TSPEAR: variants seen among roughly 807,000 people sequenced by gnomAD.
TSPEAR encodes thrombospondin type laminin G domain and EAR repeats.
A neutral mutation model predicts 71.6 loss-of-function variants in TSPEAR; 69 were observed. The ratio of observed to expected loss-of-function variants is 0.96; its 90% CI spans 0.79 to 1.18. The LOEUF (loss-of-function observed/expected upper bound fraction) is 1.18. Ranked by LOEUF, TSPEAR falls within the 50% of genes most tolerant of loss-of-function variation. TSPEAR has a pLI of 0.00. For missense variants in TSPEAR, 971 were observed against 894.9 expected (o/e 1.09, Z -1.09); for synonymous variants, 402 against 387.2 (o/e 1.04, Z -0.45).
chr21:44,542,821 G>A (rs2053244610), intron 2 of TSPEAR, among the ~76,000 whole-genome samples: 1 of 149,708 alleles, frequency 6.7e-6, no homozygotes, highest in East Asian at 1.9e-4. Context: ...TCTTTAGCAA[G>A]TGAACACAAA....
At chr21:44,528,843 C>G (rs2052909348) in intron 5 of TSPEAR, among the ~76,000 whole-genome samples, 1 of 152,222 alleles carries the variant, frequency 6.6e-6, no homozygotes, top group Non-Finnish European at 1.5e-5. Context: ...GCGTGGCTTT[C>G]CATCCCATTG....
chr21:44,609,071 G>A (rs1249549786), intron 1 of TSPEAR, among the ~76,000 whole-genome samples: 2 of 152,200 alleles, frequency 1.3e-5, no homozygotes, highest in African/African-American at 4.8e-5. Flanking sequence ...GCAACATGGT[G>A]CTTCTCACAG....
intron 1 of TSPEAR, among the ~76,000 whole-genome samples, chr21:44,692,867 G>A (rs543631056): frequency 5.9e-5 from 9 of 151,856 alleles, no homozygotes; most frequent in African/African-American, 1.9e-4. Context: ...TGATCTTCAA[G>A]CACATATGGA....
intron 1 of TSPEAR, chr21:44,676,486 G>T: frequency 1.1e-6 from 1 of 872,286 alleles, no homozygotes; most frequent in Non-Finnish European, 1.9e-6. Flanking sequence ...ACTCTGAACA[G>T]CGTGTTCGAT....
chr21:44,562,355 T>C (rs1555921196), intron 2 of TSPEAR, among the ~76,000 whole-genome samples: 1 of 152,170 alleles, frequency 6.6e-6, no homozygotes, highest in Admixed American at 6.5e-5. Context: ...TGGAAAAACA[T>C]TCCATCCTCA....
rs144207115 is a variant in TSPEAR at position 44,540,583 on chromosome 21, G to A, written c.304-6660C>T. On this transcript the variant is annotated intron_variant, in intron 2 of 11. Transcript: ENST00000323084. ...CTGTCCCACTCACGATCGTGGGGGC[G>A]TCTCCTCCCTAAAGCGGGTCCTCAC... Among the ~76,000 whole-genome samples, 1,271 of 152,294 alleles carry A rather than the reference G, an allele frequency of 8.3e-3. 17 individuals are homozygous for A. Among genetic ancestry groups the A allele is most frequent in the African/African-American group, 0.029 (1,218 of 41,560 alleles).
At chr21:44,578,272 TACATTCA>T (rs1978598208) in intron 1 of TSPEAR, among the ~76,000 whole-genome samples, 1 of 152,180 alleles carries the variant, frequency 6.6e-6, no homozygotes, top group Non-Finnish European at 1.5e-5. Flanking sequence ...TCTATGTCAA[TACATTCA>T]ACAGCTTAGA....
chr21:44,636,422 G>A (rs1983572833), intron 1 of TSPEAR, among the ~76,000 whole-genome samples: 1 of 152,178 alleles, frequency 6.6e-6, no homozygotes, highest in African/African-American at 2.4e-5. Context: ...CAGTGACTTT[G>A]TCTCTCATCC....
At chr21:44,659,532 A>G (rs150401861) in intron 1 of TSPEAR, among the ~76,000 whole-genome samples, 87 of 152,340 alleles carry the variant, frequency 5.7e-4, no homozygotes, top group African/African-American at 2.0e-3. Flanking sequence ...GGAACTGATG[A>G]TGTCTGATAT....
intron 1 of TSPEAR, among the ~76,000 whole-genome samples, chr21:44,689,408 A>G (rs1404900776): frequency 6.6e-6 from 1 of 151,530 alleles, no homozygotes; most frequent in Non-Finnish European, 1.5e-5. Flanking sequence ...AGGCTGAGGC[A>G]GGAGAATGGC....
chr21:44,705,812 C>G (rs1036765826), intron 1 of TSPEAR, among the ~76,000 whole-genome samples: 1 of 152,016 alleles, frequency 6.6e-6, no homozygotes, highest in Non-Finnish European at 1.5e-5. Context: ...CGCCCTGCCT[C>G]CACTGGCCTT....
rs191287206 is a variant in TSPEAR at position 44,616,768 on chromosome 21, G to A, written c.83-48763C>T. ...CAGGCAGCGCACGGACAGAGTCTGCGGTGTGACCACACCAAGCAGCCCTAA... is the reference window on the plus strand; with the variant it reads ...CAGGCAGCGCACGGACAGAGTCTGCAGTGTGACCACACCAAGCAGCCCTAA... On this transcript the variant is annotated intron_variant, in intron 1 of 11. Coordinates refer to ENST00000323084, the MANE Select transcript of TSPEAR (RefSeq NM_144991.3). 6.0e-4 allele frequency among the ~76,000 whole-genome samples: 91 copies of A among 152,342 alleles called. No homozygotes were observed. The East Asian group carries it at 0.014, about 24-fold the overall frequency.
At chr21:44,586,019 T>C (rs781960531) in intron 1 of TSPEAR, among the ~76,000 whole-genome samples, 6 of 152,230 alleles carry the variant, frequency 3.9e-5, no homozygotes, top group Non-Finnish European at 7.3e-5. Context: ...CTTTGGTTCA[T>C]TTTGGCATCC....
intron 9 of TSPEAR, among the ~76,000 whole-genome samples, chr21:44,512,162 C>T (rs2052404704): frequency 6.6e-6 from 1 of 152,184 alleles, no homozygotes; most frequent in Admixed American, 6.5e-5. Flanking sequence ...GGAGCAGGGG[C>T]TGGGGCGGGC....
rs147433593 is a variant in TSPEAR at position 44,637,931 on chromosome 21, T to C, written c.83-69926A>G. The C allele has an allele frequency of 1.3e-4, 205 of 1,613,040 alleles. No homozygotes were observed. In the Admixed American group the frequency reaches 1.5e-3, roughly 11 times the overall value. On this transcript the variant is annotated intron_variant, in intron 1 of 11. Transcript: ENST00000323084. ...GGCTTCCACTTCATGCTGCCAGCAGTCTAGCTGCCAGCCTGCTTGCTGCAC... is the reference window on the plus strand; with the variant it reads ...GGCTTCCACTTCATGCTGCCAGCAGCCTAGCTGCCAGCCTGCTTGCTGCAC...
At chr21:44,666,322 A>G in intron 1 of TSPEAR, 1 of 1,154,892 alleles carries the variant, frequency 8.7e-7, no homozygotes, top group Non-Finnish European at 1.2e-6. Flanking sequence ...TCCAGAATTC[A>G]GAGGGTTCAA....
chr21:44,627,550 C>T, intron 1 of TSPEAR: 2 of 1,582,506 alleles, frequency 1.3e-6, no homozygotes, highest in Non-Finnish European at 1.7e-6. Flanking sequence ...GTCTAGCTAC[C>T]AGCCAGCTTG....
intron 2 of TSPEAR, among the ~76,000 whole-genome samples, chr21:44,561,984 A>C (rs782101145): frequency 1.3e-5 from 2 of 152,216 alleles, no homozygotes; most frequent in Non-Finnish European, 2.9e-5. Flanking sequence ...TGAACAGGGC[A>C]ATCAGGCAAT....
In TSPEAR at chr21:44,511,370, A is replaced by ACACAGG. The variant is rs377561823; in HGVS notation, c.1567-1985_1567-1984insCCTGTG. 8.7e-3 allele frequency among the ~76,000 whole-genome samples: 1,325 copies of ACACAGG among 152,268 alleles called. 15 individuals are homozygous for ACACAGG. Among genetic ancestry groups the ACACAGG allele is most frequent in the African/African-American group, 0.029 (1,199 of 41,562 alleles). On this transcript the variant is annotated intron_variant, in intron 9 of 11. Transcript: ENST00000323084. ...ATGCATATGCACTGTGTACACACAC[A>ACACAGG]CATATATGCTTACATTTTTACATGC...
Sources: allele counts gnomAD v4.1 joint callset (sites outside exome capture counted in the v4.1 genomes callset), GRCh38; gene constraint gnomAD v4.1.1; transcripts MANE v1.5; gene names NCBI Gene and HGNC (gene_info 2026-07-23, HGNC 2026-07-21).